Variants in EIF4B observed in about 807,000 individuals in gnomAD.
EIF4B encodes eukaryotic translation initiation factor 4B.
EIF4B carries 8 observed loss-of-function variants against 79.3 expected under a neutral mutation model. The ratio of observed to expected loss-of-function variants is 0.10; its 90% CI spans 0.06 to 0.18. EIF4B has a LOEUF of 0.18. EIF4B is among the 10% of genes least tolerant of loss of function. The pLI is 1.00. For synonymous variants in EIF4B, 238 were observed against 274.7 expected (o/e 0.87, Z 1.32); for missense variants, 515 against 792.4 (o/e 0.65, Z 4.20).
At chr12:53,014,621 T>C (rs953207787) in intron 1 of EIF4B, 2 of 152,226 alleles carry the variant, frequency 1.3e-5, no homozygotes, top group Non-Finnish European at 1.5e-5. Context: ...GAAGGCTATG[T>C]GTTAACATTC....
chr12:53,019,806 C>A, intron 3 of EIF4B, 104 bp from the exon 4 acceptor site: 1 of 1,031,870 alleles, frequency 9.7e-7, no homozygotes, highest in Non-Finnish European at 1.4e-6. Context: ...CTTGTGTATT[C>A]AGAAAAATTC....
intron 3 of EIF4B, among the ~76,000 whole-genome samples, chr12:53,019,437 ATTTTTTTTTTT>A (rs1337954535): frequency 5.9e-5 from 3 of 51,006 alleles, no homozygotes; most frequent in African/African-American, 2.0e-4. Flanking sequence ...ATATATATAT[ATTTTTTTTTTT>A]TCTTTTTTTT....
chr12:53,019,437 A>ATATATTTTTTTTTCTTTTTT (rs1943205076), intron 3 of EIF4B, among the ~76,000 whole-genome samples: 1 of 51,024 alleles, frequency 2.0e-5, no homozygotes, highest in Non-Finnish European at 3.7e-5. Flanking sequence ...ATATATATAT[A>ATATATTTTTTTTTCTTTTTT]TTTTTTTTTT....
At chr12:53,037,289 A>AT in intron 10 of EIF4B, 120 bp from the exon 11 acceptor site, 1 of 1,076,166 alleles carries the variant, frequency 9.3e-7, no homozygotes, top group Admixed American at 2.4e-5. Context: ...TGGTTTAGGG[A>AT]TAAATCCATC....
chr12:53,019,304 T>A (rs1943198243), intron 3 of EIF4B, among the ~76,000 whole-genome samples: 2 of 151,514 alleles, frequency 1.3e-5, no homozygotes, highest in East Asian at 3.9e-4. Context: ...GAGGCTGAGG[T>A]AGGAGAATTG....
At chr12:53,040,005 T>C in intron 14 of EIF4B, 138 bp from the exon 15 acceptor site, 1 of 965,368 alleles carries the variant, frequency 1.0e-6, no homozygotes, top group Non-Finnish European at 1.6e-6. Flanking sequence ...TCCTCTCCAA[T>C]GGACAATGCT....
intron 1 of EIF4B, 55 bp from the exon 2 acceptor site, chr12:53,016,418 A>G (rs1433355501): frequency 3.7e-6 from 6 of 1,607,814 alleles, no homozygotes; most frequent in Non-Finnish European, 5.1e-6. Context: ...GCATTGTACA[A>G]CTCTGTAAAT....
chr12:53,020,075 C>CAT (rs756956220), intron 4 of EIF4B, 49 bp downstream of exon 4: 1 of 1,469,666 alleles, frequency 6.8e-7, no homozygotes, highest in South Asian at 1.2e-5. Context: ...TCACAAATCT[C>CAT]ATGTTTATTG....
chr12:53,028,231 GA>G, intron 8 of EIF4B, 43 bp downstream of exon 8: 1 of 1,525,586 alleles, frequency 6.6e-7, no homozygotes, highest in Non-Finnish European at 8.8e-7. Flanking sequence ...CAGAAACTGG[GA>G]AAACTACGGA....
Position 53,026,023 on chromosome 12 carries a change from C to G in EIF4B, c.668-1759C>G, listed in dbSNP as rs867324161. On this transcript the variant is annotated intron_variant, in intron 6 of 14. Coordinates refer to ENST00000262056, the MANE Select transcript of EIF4B (RefSeq NM_001417.7). The stretch of plus-strand genomic sequence containing the variant: ...CTGAGGCAAGAGAATCGCTTGGACC[C>G]GGGAGGTGGAGGTTGCAGTGAGCCC... Among the ~76,000 whole-genome samples, 44 of 152,020 alleles carry G rather than the reference C, an allele frequency of 2.9e-4. 1 individual carries two copies. The Middle Eastern group carries it at 0.014, about 47-fold the overall frequency.
intron 6 of EIF4B, chr12:53,025,275 TG>T (rs1943315278): frequency 2.2e-6 from 1 of 455,430 alleles, no homozygotes; most frequent in Admixed American, 2.4e-5. Flanking sequence ...CCAAGGGTCC[TG>T]TTTTGAGTCC....
chr12:53,013,495 T>A (rs540529996), intron 1 of EIF4B: 1 of 152,290 alleles, frequency 6.6e-6, no homozygotes, highest in African/African-American at 2.4e-5. Context: ...CCATAGATCT[T>A]TGCATATGAG....
At chr12:53,028,260 A>C in intron 8 of EIF4B, 72 bp downstream of exon 8, 2 of 1,512,162 alleles carry the variant, frequency 1.3e-6, no homozygotes. Flanking sequence ...TGATTGTGTT[A>C]CGAACTACTG....
chr12:53,008,447 C>T (rs1943005689), intron 1 of EIF4B: 2 of 152,218 alleles, frequency 1.3e-5, no homozygotes, highest in African/African-American at 2.4e-5. Flanking sequence ...CGGATTGTTT[C>T]CCCGCTCCTC....
In EIF4B at chr12:53,028,200, C is replaced by A; in HGVS notation, c.979+12C>A. 1 of 1,555,082 alleles carries A rather than the reference C, an allele frequency of 6.4e-7. No homozygotes were observed. Among genetic ancestry groups the A allele is most frequent in the Non-Finnish European group, 8.7e-7 (1 of 1,153,436 alleles). ...GCGTGATGATAGAGGTAATAGTTTT[C>A]TTTTTACGTACTTCATGGAGCAGAA... On this transcript the variant is annotated intron_variant, in intron 8 of 14. Coordinates refer to ENST00000262056, the MANE Select transcript of EIF4B (RefSeq NM_001417.7).
intron 1 of EIF4B, among the ~76,000 whole-genome samples, chr12:53,007,662 G>T (rs1942991814): frequency 6.6e-6 from 1 of 152,074 alleles, no homozygotes. Context: ...GCATGACCTT[G>T]CATTCTTCAA....
intron 13 of EIF4B, 110 bp from the exon 14 acceptor site, chr12:53,039,520 G>T (rs926062224): frequency 4.5e-6 from 6 of 1,320,148 alleles, no homozygotes; most frequent in African/African-American, 4.5e-5. Context: ...AGACAACAAG[G>T]ACTGTTGACT....
intron 6 of EIF4B, 148 bp downstream of exon 6, chr12:53,022,775 C>T: frequency 3.0e-6 from 3 of 986,764 alleles, no homozygotes; most frequent in Admixed American, 3.6e-5. Context: ...TCTGAAAGAA[C>T]TGATAGATGC....
chr12:53,019,767 A>G (rs1943218399), intron 3 of EIF4B, 143 bp from the exon 4 acceptor site: 1 of 669,838 alleles, frequency 1.5e-6, no homozygotes, highest in Non-Finnish European at 2.5e-6. Flanking sequence ...ATCCCTCTGC[A>G]TCAGTTTTCC....
Sources: gnomAD v4.1 joint callset for allele counts (sites outside exome capture counted in the v4.1 genomes callset) on GRCh38, gnomAD v4.1.1 for gene constraint, MANE v1.5 for transcripts, NCBI Gene and HGNC (gene_info 2026-07-23, HGNC 2026-07-21) for gene names.